CTNNA3: variants seen among roughly 807,000 people sequenced by gnomAD.
CTNNA3 encodes the protein catenin alpha 3.
In CTNNA3, 76 loss-of-function variants were observed where a neutral mutation model predicts 95.7. The ratio of observed to expected loss-of-function variants is 0.79; its 90% CI spans 0.66 to 0.96. The LOEUF (loss-of-function observed/expected upper bound fraction) is 0.96. Among genes scored for constraint, CTNNA3 ranks in the 40% least tolerant of loss-of-function variants. The pLI is 0.00. For missense variants in CTNNA3, 1,191 were observed against 1,089.8 expected, an observed-to-expected ratio of 1.09 and a Z score of -1.31; for synonymous variants, 431 against 374.4, an observed-to-expected ratio of 1.15 and a Z score of -1.74.
intron 12 of CTNNA3, among the ~76,000 whole-genome samples, chr10:66,350,845 G>A (rs2092561686): frequency 6.6e-6 from 1 of 151,866 alleles, no homozygotes; most frequent in Admixed American, 6.6e-5. Context: ...TACTGTAAAG[G>A]CAAACAAAGC....
At chr10:67,270,377 C>CTGTTAATGTTTATTTTGTGTTCCAT (rs1838921988) in intron 5 of CTNNA3, among the ~76,000 whole-genome samples, 1 of 152,078 alleles carries the variant, frequency 6.6e-6, no homozygotes, top group African/African-American at 2.4e-5. Flanking sequence ...AAAGAAAAGT[C>CTGTTAATGTTTATTTTGTGTTCCAT]TGTTAATGTT....
intron 13 of CTNNA3, among the ~76,000 whole-genome samples, chr10:66,129,395 G>T (rs1230966252): frequency 6.6e-6 from 1 of 152,224 alleles, no homozygotes; most frequent in Non-Finnish European, 1.5e-5. Context: ...GCCAGGGAAA[G>T]CTGCTTAGAG....
chr10:66,906,878 G>C (rs144040782), intron 7 of CTNNA3, among the ~76,000 whole-genome samples: 45 of 152,112 alleles, frequency 3.0e-4, no homozygotes, highest in African/African-American at 1.1e-3. Context: ...AATAAACTCT[G>C]GCTTTATGCT....
chr10:66,360,765 TTC>T (rs2092659677), intron 12 of CTNNA3, among the ~76,000 whole-genome samples: 1 of 108,746 alleles, frequency 9.2e-6, no homozygotes, highest in African/African-American at 3.6e-5. Context: ...CCTTCCTTCC[TTC>T]CTTTTCTTTC....
chr10:66,129,537 G>A (rs1332554695), intron 13 of CTNNA3, among the ~76,000 whole-genome samples: 1 of 152,162 alleles, frequency 6.6e-6, no homozygotes, highest in Non-Finnish European at 1.5e-5. Flanking sequence ...TTTAGCCATA[G>A]GAGAACTGTT....
At chr10:66,563,792 C>T (rs114274388) in intron 10 of CTNNA3, among the ~76,000 whole-genome samples, 7,581 of 152,072 alleles carry the variant, frequency 0.05, 240 homozygotes, top group African/African-American at 0.074. Context: ...TATTGTTTCA[C>T]GAAGCCAGAC....
chr10:67,527,501 C>G (rs1840184251), intron 4 of CTNNA3, among the ~76,000 whole-genome samples: 1 of 152,190 alleles, frequency 6.6e-6, no homozygotes, highest in African/African-American at 2.4e-5. Context: ...TGAACTGGTT[C>G]AGCTTACACA....
At chr10:66,840,156 T>C (rs1293356187) in intron 7 of CTNNA3, among the ~76,000 whole-genome samples, 1 of 152,100 alleles carries the variant, frequency 6.6e-6, no homozygotes, top group Admixed American at 6.6e-5. Flanking sequence ...CAAGAAGCCC[T>C]CACTGCCCAA....
In CTNNA3 at chr10:67,060,663, C is replaced by T. The variant is rs577011607; in HGVS notation, c.1047+119654G>A. Among the ~76,000 whole-genome samples the T allele has an allele frequency of 2.3e-4, 35 of 151,704 alleles. No homozygotes were observed. The South Asian group carries it at 7.1e-3, about 31-fold the overall frequency. ...AGTTTCTCTTTCTTTACCATGGGTT[C>T]CTGTCTCTCTCTCTCTCTCTTCTTC... On this transcript the variant is annotated intron_variant, in intron 7 of 17. Transcript: ENST00000433211.
At chr10:67,111,184 C>T (rs1279879817) in intron 7 of CTNNA3, among the ~76,000 whole-genome samples, 1 of 152,122 alleles carries the variant, frequency 6.6e-6, no homozygotes, top group African/African-American at 2.4e-5. Context: ...TGTGCCAACA[C>T]AATGTGAGTG....
chr10:65,931,112 C>G (rs1179093143), intron 17 of CTNNA3, among the ~76,000 whole-genome samples: 1 of 152,080 alleles, frequency 6.6e-6, no homozygotes, highest in African/African-American at 2.4e-5. Flanking sequence ...TAACTTGACC[C>G]TATAAACTAT....
intron 1 of CTNNA3, among the ~76,000 whole-genome samples, chr10:67,650,539 T>C (rs1331741893): frequency 6.6e-6 from 1 of 152,184 alleles, no homozygotes; most frequent in Non-Finnish European, 1.5e-5. Flanking sequence ...CAAACTATCT[T>C]TGTCTGCAAT....
At chr10:66,204,638 C>T (rs2087643288) in intron 13 of CTNNA3, among the ~76,000 whole-genome samples, 1 of 152,160 alleles carries the variant, frequency 6.6e-6, no homozygotes, top group African/African-American at 2.4e-5. Flanking sequence ...CTCTTAGTGA[C>T]CCAAAGGTGA....
intron 12 of CTNNA3, among the ~76,000 whole-genome samples, chr10:66,290,763 T>C (rs10740230): frequency 0.44 from 67,019 of 151,970 alleles, 15,460 homozygotes; most frequent in African/African-American, 0.58. Context: ...AATGAATAAA[T>C]GATCTCAACA....
intron 11 of CTNNA3, among the ~76,000 whole-genome samples, chr10:66,426,972 ACTAATATT>A (rs2093247943): frequency 6.6e-6 from 1 of 151,988 alleles, no homozygotes; most frequent in South Asian, 2.1e-4. Context: ...CATTCAAGTA[ACTAATATT>A]CTGATATTTC....
At chr10:67,749,778 CA>C (rs368520137) in intron 1 of CTNNA3, among the ~76,000 whole-genome samples, 1 of 152,110 alleles carries the variant, frequency 6.6e-6, no homozygotes, top group Non-Finnish European at 1.5e-5. Context: ...CAAACAAAGC[CA>C]AAGGCTAGCA....
At chr10:66,473,112 G>C (rs1296990547) in intron 11 of CTNNA3, among the ~76,000 whole-genome samples, 4 of 151,956 alleles carry the variant, frequency 2.6e-5, no homozygotes, top group Non-Finnish European at 5.9e-5. Context: ...TAAAATGAGA[G>C]TATTAGCCTA....
intron 5 of CTNNA3, among the ~76,000 whole-genome samples, chr10:67,506,048 TG>T (rs1383706348): frequency 1.4e-4 from 22 of 152,360 alleles, no homozygotes; most frequent in Admixed American, 9.8e-4. Flanking sequence ...ATAGTTTATC[TG>T]GTCAATGAAT....
intron 15 of CTNNA3, among the ~76,000 whole-genome samples, chr10:66,050,904 A>G (rs1222931522): frequency 6.6e-6 from 1 of 151,416 alleles, no homozygotes; most frequent in Non-Finnish European, 1.5e-5. Context: ...CCCAGATGGG[A>G]GTACAGTGGT....
Sources: gnomAD v4.1 joint callset for allele counts (sites outside exome capture counted in the v4.1 genomes callset) on GRCh38, gnomAD v4.1.1 for gene constraint, MANE v1.5 for transcripts, NCBI Gene and HGNC (gene_info 2026-07-23, HGNC 2026-07-21) for gene names.